MEGF6: variants seen among roughly 807,000 people sequenced by gnomAD.
MEGF6 encodes multiple EGF like domains 6, also known as multiple epidermal growth factor-like domains protein 6.
Under a neutral mutation model 207.1 loss-of-function variants are expected in MEGF6, and 184 were observed. The ratio of observed to expected loss-of-function variants is 0.89; its 90% CI spans 0.79 to 1.00. The LOEUF is 1.00. Among genes scored for constraint, MEGF6 ranks in the 50% least tolerant of loss-of-function variants. MEGF6 has a pLI of 0.00. For synonymous variants in MEGF6, 1,038 were observed against 910.0 expected, an observed-to-expected ratio of 1.14 and a Z score of -2.53; for missense variants, 2,282 against 2,202.9, an observed-to-expected ratio of 1.04 and a Z score of -0.72.
chr1:3,591,310 C>T (rs1643973692), intron 3 of MEGF6, among the ~76,000 whole-genome samples: 1 of 152,182 alleles, frequency 6.6e-6, no homozygotes, highest in Non-Finnish European at 1.5e-5. Context: ...GGGGGTAAGG[C>T]CCTGGGCTCG....
chr1:3,493,741 C>T lies in MEGF6; in HGVS notation c.4387+30G>A, dbSNP rs72852465. On this transcript the variant is annotated intron_variant, in intron 34 of 36. Coordinates refer to ENST00000356575, the MANE Select transcript of MEGF6 (RefSeq NM_001409.4). ...GGTCACTGATGGAGACCCACACCCA[C>T]GCCCTTCCTGGGCAGGACCCCAGAC... 2,683 of 1,604,570 alleles carry T rather than the reference C, an allele frequency of 1.7e-3. 30 individuals carry two copies. The African/African-American group carries it at 0.03, about 18-fold the overall frequency.
At chr1:3,545,448 C>T (rs112435737) in intron 4 of MEGF6, among the ~76,000 whole-genome samples, 1,602 of 152,210 alleles carry the variant, frequency 0.011, 13 homozygotes, top group Middle Eastern at 0.02. Context: ...CTCGGTGGGT[C>T]GGAACCTCCA....
intron 1 of MEGF6, among the ~76,000 whole-genome samples, chr1:3,609,134 G>C (rs1459296323): frequency 6.6e-6 from 1 of 152,186 alleles, no homozygotes; most frequent in Non-Finnish European, 1.5e-5. Flanking sequence ...GGGAGGACAG[G>C]ATCAGCAGGG....
chr1:3,527,065 C>A (rs1043195511), intron 4 of MEGF6, among the ~76,000 whole-genome samples: 1 of 152,226 alleles, frequency 6.6e-6, no homozygotes, highest in African/African-American at 2.4e-5. Context: ...GCCAAGGTCT[C>A]CCTAATTCTG....
chr1:3,579,762 CCT>C, intron 4 of MEGF6, 61 bp downstream of exon 4: 1 of 1,236,286 alleles, frequency 8.1e-7, no homozygotes, highest in Non-Finnish European at 1.1e-6. Flanking sequence ...GCCGACACAT[CCT>C]CGCCCCTTGC....
intron 24 of MEGF6, 97 bp downstream of exon 24, chr1:3,499,041 C>T: frequency 6.6e-7 from 1 of 1,511,218 alleles, no homozygotes; most frequent in Non-Finnish European, 8.9e-7. Context: ...CCCCTTCCTC[C>T]CTCCCCCAGG....
At chr1:3,566,797 G>A (rs880801) in intron 4 of MEGF6, among the ~76,000 whole-genome samples, 40,726 of 152,106 alleles carry the variant, frequency 0.27, 5,716 homozygotes, top group African/African-American at 0.3. Flanking sequence ...GGGCTGGCTG[G>A]GTCCTCGGTG....
rs372360295 is a variant in MEGF6, at chr1:3,495,893, G to C, written c.3868C>G (p.Arg1290Gly). 3 of 1,598,046 alleles carry C rather than the reference G, an allele frequency of 1.9e-6. No individual in the cohort carries two copies. In the African/African-American group the frequency reaches 4.0e-5, roughly 21 times the overall value. Residue 1290 changes from arginine (R) to glycine (G), a missense_variant, in exon 30 of 37, where the codon CGA (arginine) becomes GGA (glycine). Physicochemically the swap from Arg to Gly is moderately radical, Grantham distance 125. Transcript: ENST00000356575. The stretch of plus-strand genomic sequence containing the variant: ...GCCCTCTGGAGTGAACACTCACCTC[G>C]CTCACAGCGGACGCCGGCTCTCCCC... Reference protein sequence around the residue: ...PPGRAGVRCERGCPQNRFGVG... With the variant: ...PPGRAGVRCEGGCPQNRFGVG...
At chr1:3,559,662 G>A (rs546508434) in intron 4 of MEGF6, among the ~76,000 whole-genome samples, 13 of 152,052 alleles carry the variant, frequency 8.5e-5, no homozygotes, top group African/African-American at 2.9e-4. Flanking sequence ...CATCCTCTGC[G>A]GAAGACACAG....
Position 3,490,528 on chromosome 1 carries a change from C to G in MEGF6, c.4626G>C (p.Ter1542TyrextTer1). 1.2e-6 allele frequency: 2 copies of G among 1,612,962 alleles called. No individual in the cohort carries two copies. The highest frequency in any genetic ancestry group is 1.7e-6 in the Non-Finnish European group (2 of 1,179,810). ...TSRSGGPARH* is the reference protein window; with the variant it reads ...TSRSGGPARHY ...GGCGGGCTCCACGGGACTGCCTCTA[C>G]TAGTGCCTCGCTGGTCCACCGCTCC... The change falls in exon 37 of 37, where the codon TAG becomes TAC. Residue 1542 changes from the stop codon to tyrosine (Y), a stop_lost. Transcript: ENST00000356575.
At chr1:3,580,430 G>A (rs910504857) in intron 3 of MEGF6, among the ~76,000 whole-genome samples, 1 of 152,230 alleles carries the variant, frequency 6.6e-6, no homozygotes, top group South Asian at 2.1e-4. Context: ...GAGGGGAGGA[G>A]GAAAGGTCCC....
intron 4 of MEGF6, among the ~76,000 whole-genome samples, chr1:3,549,829 G>A (rs561750330): frequency 1.0e-3 from 154 of 152,310 alleles, no homozygotes; most frequent in African/African-American, 3.5e-3. Flanking sequence ...GCCCAGCTAC[G>A]TGGGCACCAG....
chr1:3,512,163 T>C lies in MEGF6; in HGVS notation c.854-35A>G, dbSNP rs759636442. ...AGAGACCACAGGGAGGGCTCAGAGGTGCCAGGAAGGGCCTTTGCATGGGAC... is the reference window on the plus strand; with the variant it reads ...AGAGACCACAGGGAGGGCTCAGAGGCGCCAGGAAGGGCCTTTGCATGGGAC... On this transcript the variant is annotated intron_variant, in intron 7 of 36. Coordinates refer to ENST00000356575, the MANE Select transcript of MEGF6 (RefSeq NM_001409.4). 10 of 1,570,034 alleles carry C rather than the reference T, an allele frequency of 6.4e-6. No homozygotes were observed. In the African/African-American group the frequency reaches 1.4e-4, roughly 21 times the overall value.
chr1:3,494,597 G>A lies in MEGF6; in HGVS notation c.4000+16C>T. 1 of 1,560,736 alleles carries A rather than the reference G, an allele frequency of 6.4e-7. No homozygotes were observed. Among genetic ancestry groups the A allele is most frequent in the East Asian group, 2.4e-5 (1 of 41,710 alleles). ...CCTGAGGGGATGCTGGGGTCCCGCT[G>A]GCCCCGCACACTCACCCAGCTCGCA... On this transcript the variant is annotated intron_variant, in intron 31 of 36. Transcript: ENST00000356575.
chr1:3,598,584 G>A (rs1030608993), intron 2 of MEGF6, among the ~76,000 whole-genome samples: 1 of 152,116 alleles, frequency 6.6e-6, no homozygotes, highest in Non-Finnish European at 1.5e-5. Flanking sequence ...CCCCCCAAAA[G>A]GGAATGACCC....
intron 3 of MEGF6, among the ~76,000 whole-genome samples, chr1:3,581,926 C>T (rs1643807307): frequency 6.6e-6 from 1 of 152,200 alleles, no homozygotes; most frequent in African/African-American, 2.4e-5. Context: ...CATACCATTC[C>T]CTCCCTCCCT....
chr1:3,575,614 C>T (rs1165142821), intron 4 of MEGF6, among the ~76,000 whole-genome samples: 2 of 108,594 alleles, frequency 1.8e-5, no homozygotes, highest in African/African-American at 6.8e-5. Context: ...TGGCAGAAGG[C>T]AAGGAGGAGC....
In MEGF6 at chr1:3,489,129, T is replaced by C. The variant is rs140351246; in HGVS notation, c.*1399A>G. 5.6e-4 allele frequency among the ~76,000 whole-genome samples: 85 copies of C among 152,350 alleles called. No individual in the cohort carries two copies. Among genetic ancestry groups the C allele is most frequent in the Middle Eastern group, 3.4e-3 (1 of 294 alleles). ...CAGTCCGTCTCTCTCTGGCTGCTGCTTCTGCATCCCCACCATCCTGCCCTC... is the reference window on the plus strand; with the variant it reads ...CAGTCCGTCTCTCTCTGGCTGCTGCCTCTGCATCCCCACCATCCTGCCCTC... On this transcript the variant is annotated 3_prime_UTR_variant, in exon 37 of 37. Coordinates refer to ENST00000356575, the MANE Select transcript of MEGF6 (RefSeq NM_001409.4).
chr1:3,531,185 G>T, intron 4 of MEGF6: 1 of 1,521,514 alleles, frequency 6.6e-7, no homozygotes. Flanking sequence ...ACGCGCGCCA[G>T]GCCCCCCAGG....
Sources: gnomAD v4.1 joint callset for allele counts (sites outside exome capture counted in the v4.1 genomes callset) on GRCh38, gnomAD v4.1.1 for gene constraint, MANE v1.5 for transcripts, NCBI Gene and HGNC (gene_info 2026-07-23, HGNC 2026-07-21) for gene names.